The following APBB2 variants were observed in gnomAD, a reference collection of about 807,000 sequenced individuals.
APBB2 encodes Fe65-like 1.
A neutral mutation model predicts 82.5 loss-of-function variants in APBB2; 38 were observed. The observed-to-expected ratio is 0.46, with a 90% CI of 0.36 to 0.60. The LOEUF (loss-of-function observed/expected upper bound fraction) is 0.60. Among genes scored for constraint, APBB2 ranks in the 20% least tolerant of loss-of-function variants. APBB2 has a pLI of 0.00. For synonymous variants in APBB2, 341 were observed against 368.2 expected (o/e 0.93, Z 0.85); for missense variants, 772 against 972.3 (o/e 0.79, Z 2.74).
At position 41,214,467 on chromosome 4, in the gene APBB2, T is replaced by G. The variant is rs1276314627; in HGVS notation, c.-479A>C. 8 of 152,560 alleles carry G rather than the reference T, an allele frequency of 5.2e-5. No homozygotes were observed. The highest frequency in any genetic ancestry group is 1.7e-4 in the African/African-American group (7 of 41,578). 9.5% of individuals were successfully genotyped at this position (152,560 alleles called of 1,614,324 possible). A position where few individuals can be genotyped will look rare whatever the true frequency, so the allele number is the denominator to read the frequency against. ...CAGCGGCTCTGCTCCAGTCTCGCCC[T>G]TCCCGGAGCGCCCAGATCAGATGCG... is the stretch of plus-strand genomic sequence containing the variant. On this transcript the variant is annotated 5_prime_UTR_variant, in exon 1 of 18. Coordinates refer to ENST00000508593, the MANE Select transcript of APBB2 (RefSeq NM_004307.2).
At chr4:40,867,764 A>G (rs1764395413) in intron 12 of APBB2, among the ~76,000 whole-genome samples, 1 of 152,064 alleles carries the variant, frequency 6.6e-6, no homozygotes, top group South Asian at 2.1e-4. Context: ...TCTTGCTTAC[A>G]GTCTGTATTC....
At chr4:41,113,325 T>G (rs1580144155) in intron 2 of APBB2, among the ~76,000 whole-genome samples, 1 of 152,328 alleles carries the variant, frequency 6.6e-6, no homozygotes, top group East Asian at 1.9e-4. Context: ...ATCTTTTCAA[T>G]GTTCCAAATC....
chr4:41,022,540 C>T (rs1289392222), intron 5 of APBB2, among the ~76,000 whole-genome samples: 1 of 152,174 alleles, frequency 6.6e-6, no homozygotes, highest in South Asian at 2.1e-4. Context: ...CTTTATGAAG[C>T]CTTCTCTTGT....
At chr4:41,112,405 C>T (rs1180761492) in intron 2 of APBB2, among the ~76,000 whole-genome samples, 1 of 152,212 alleles carries the variant, frequency 6.6e-6, no homozygotes, top group Non-Finnish European at 1.5e-5. Flanking sequence ...AAAAAGAAGG[C>T]ACCCAACCAT....
chr4:40,942,966 C>A (rs68084629), intron 7 of APBB2, among the ~76,000 whole-genome samples: 34,298 of 152,164 alleles, frequency 0.23, 4,864 homozygotes, highest in East Asian at 0.49. Context: ...CCACACACCC[C>A]CGCCTGGGCC....
At chr4:41,062,687 G>A (rs935916539) in intron 4 of APBB2, among the ~76,000 whole-genome samples, 3 of 152,046 alleles carry the variant, frequency 2.0e-5, no homozygotes, top group Non-Finnish European at 2.9e-5. Flanking sequence ...GTGTGCCCCC[G>A]GAAAAGCAGT....
intron 1 of APBB2, among the ~76,000 whole-genome samples, chr4:41,192,954 C>A (rs756972700): frequency 1.3e-5 from 2 of 152,144 alleles, no homozygotes; most frequent in East Asian, 3.8e-4. Context: ...CCAAGTCACT[C>A]GCCAAGTGGG....
intron 2 of APBB2, among the ~76,000 whole-genome samples, chr4:41,141,306 GTGTGTGTC>G (rs1420728812): frequency 9.2e-5 from 3 of 32,710 alleles, no homozygotes; most frequent in African/African-American, 2.3e-4. Flanking sequence ...TCAAAAATAT[GTGTGTGTC>G]TGTGTGTGTG....
intron 3 of APBB2, among the ~76,000 whole-genome samples, chr4:41,072,917 TA>T (rs1158961362): frequency 1.3e-5 from 2 of 152,198 alleles, no homozygotes; most frequent in Non-Finnish European, 2.9e-5. Flanking sequence ...GCCTCATCTG[TA>T]AAATGGGCTA....
chr4:40,870,705 A>G (rs1240905358), intron 12 of APBB2, among the ~76,000 whole-genome samples: 4 of 151,360 alleles, frequency 2.6e-5, no homozygotes, highest in Admixed American at 2.6e-4. Context: ...TATTATATAC[A>G]TATATGTGTG....
intron 11 of APBB2, chr4:40,893,050 G>A (rs918958627): frequency 2.3e-5 from 10 of 434,092 alleles, no homozygotes; most frequent in South Asian, 1.2e-4. Flanking sequence ...ACTGAGAAAC[G>A]CTCTCTCTCC....
At chr4:40,982,697 G>A (rs1162843205) in intron 6 of APBB2, among the ~76,000 whole-genome samples, 11 of 151,804 alleles carry the variant, frequency 7.2e-5, no homozygotes, top group East Asian at 1.9e-4. Flanking sequence ...AGGCTGAGGC[G>A]GGAGGATCAC....
rs903610264 is a variant in APBB2 at position 41,092,614 on chromosome 4, G to A, written c.-149+8025C>T. 5.9e-5 allele frequency among the ~76,000 whole-genome samples: 9 copies of A among 151,274 alleles called. No individual in the cohort carries two copies. In the East Asian group the frequency reaches 1.4e-3, roughly 23 times the overall value. Reference sequence around the variant, plus strand: ...TGAGGCAGGAGAATCGCTTGAACCCGAGAGGCGGAGGTTGTGGTGAGCCGA... The same window carrying A: ...TGAGGCAGGAGAATCGCTTGAACCCAAGAGGCGGAGGTTGTGGTGAGCCGA... On this transcript the variant is annotated intron_variant, in intron 3 of 17. Coordinates refer to ENST00000508593, the MANE Select transcript of APBB2 (RefSeq NM_004307.2).
At chr4:41,040,928 T>C (rs1168857681) in intron 4 of APBB2, among the ~76,000 whole-genome samples, 6 of 152,220 alleles carry the variant, frequency 3.9e-5, no homozygotes, top group Non-Finnish European at 7.3e-5. Flanking sequence ...TCGCCCAGGC[T>C]GGAGTGCAGT....
intron 1 of APBB2, among the ~76,000 whole-genome samples, chr4:41,192,045 AATC>A (rs2154071248): frequency 6.6e-6 from 1 of 152,346 alleles, no homozygotes; most frequent in African/African-American, 2.4e-5. Context: ...AACATCAATT[AATC>A]ATCAAGGAAA....
At chr4:40,928,656 C>T (rs1223074455) in intron 10 of APBB2, among the ~76,000 whole-genome samples, 1 of 151,636 alleles carries the variant, frequency 6.6e-6, no homozygotes, top group Non-Finnish European at 1.5e-5. Context: ...GAGGCCAAGG[C>T]GGATAGATCA....
intron 4 of APBB2, among the ~76,000 whole-genome samples, chr4:41,046,542 G>C (rs1460075173): frequency 6.6e-6 from 1 of 152,044 alleles, no homozygotes; most frequent in Non-Finnish European, 1.5e-5. Context: ...AGACCTATTA[G>C]AGAAAACATA....
intron 2 of APBB2, among the ~76,000 whole-genome samples, chr4:41,133,677 G>A (rs1371734094): frequency 6.6e-6 from 1 of 152,198 alleles, no homozygotes; most frequent in South Asian, 2.1e-4. Flanking sequence ...ATGCTACCAG[G>A]TGAGAATACT....
chr4:41,181,507 G>A (rs755468533), intron 1 of APBB2, among the ~76,000 whole-genome samples: 2 of 152,110 alleles, frequency 1.3e-5, no homozygotes, highest in African/African-American at 2.4e-5. Context: ...CAAGTGAATC[G>A]CAGTAAACAT....
Sources: gnomAD v4.1 joint callset for allele counts (sites outside exome capture counted in the v4.1 genomes callset) on GRCh38, gnomAD v4.1.1 for gene constraint, MANE v1.5 for transcripts, NCBI Gene and HGNC (gene_info 2026-07-23, HGNC 2026-07-21) for gene names.